MICAL3: variants seen among roughly 807,000 people sequenced by gnomAD.
MICAL3 encodes the protein [F-actin]-monooxygenase MICAL3.
Under a neutral mutation model 207.4 loss-of-function variants are expected in MICAL3, and 62 were observed. That is an observed-to-expected ratio of 0.30 (90% CI 0.24 to 0.37). The LOEUF (loss-of-function observed/expected upper bound fraction) is 0.37, where lower values mean the gene tolerates loss of function less well. Among genes scored for constraint, MICAL3 ranks in the 10% least tolerant of loss-of-function variants. The pLI, the probability that MICAL3 is intolerant of heterozygous loss-of-function variation, is 1.00. For missense variants in MICAL3, 2,368 were observed against 2,635.6 expected (o/e 0.90, Z 2.22); for synonymous variants, 1,077 against 1,069.3 (o/e 1.01, Z -0.14).
chr22:18,013,181 T>G (rs366892), intron 1 of MICAL3, among the ~76,000 whole-genome samples: 8 of 152,008 alleles, frequency 5.3e-5, no homozygotes, highest in Non-Finnish European at 8.8e-5. Context: ...TCCCTATTCT[T>G]GAGATCTCTT....
rs746694688 is a variant in MICAL3 at position 17,790,696 on chromosome 22, C to A, written c.*36G>T. 54 of 1,548,610 alleles carry A rather than the reference C, an allele frequency of 3.5e-5. No individual in the cohort carries two copies. The highest frequency in any genetic ancestry group is 3.9e-5 in the Non-Finnish European group (45 of 1,144,098). On this transcript the variant is annotated 3_prime_UTR_variant, in exon 32 of 32. Coordinates refer to ENST00000441493, the MANE Select transcript of MICAL3 (RefSeq NM_015241.3). ...GTTTGGATGCCACTGCCTGGCCAGG[C>A]GGATGCCAACAGAAAATGGAGCGTT...
chr22:17,913,417 G>C (rs1359840554), intron 1 of MICAL3, among the ~76,000 whole-genome samples: 1 of 152,188 alleles, frequency 6.6e-6, no homozygotes, highest in Non-Finnish European at 1.5e-5. Flanking sequence ...CGTGGCTGCG[G>C]AAGGTGAAGG....
chr22:18,013,938 C>A (rs952013998), intron 1 of MICAL3, among the ~76,000 whole-genome samples: 3 of 151,938 alleles, frequency 2.0e-5, no homozygotes, highest in African/African-American at 7.3e-5. Flanking sequence ...GTAGCTGGAA[C>A]TATAGGTGTG....
At chr22:17,947,598 T>C (rs1934134539) in intron 1 of MICAL3, among the ~76,000 whole-genome samples, 1 of 152,200 alleles carries the variant, frequency 6.6e-6, no homozygotes, top group South Asian at 2.1e-4. Flanking sequence ...TGCTCTGTTG[T>C]CCAGGCTGGA....
Position 17,792,818 on chromosome 22 carries a change from C to A in MICAL3, c.5651-1517G>T, listed in dbSNP as rs115668730. Reference sequence around the variant, plus strand: ...CCAGCCTGCAACTGTGGAGTGTGTGCCTGAGGGTCAGGGGACCAGCGCTCT... The same window carrying A: ...CCAGCCTGCAACTGTGGAGTGTGTGACTGAGGGTCAGGGGACCAGCGCTCT... On this transcript the variant is annotated intron_variant, in intron 29 of 31. Transcript: ENST00000441493. Among the ~76,000 whole-genome samples the A allele has an allele frequency of 7.6e-3, 1,156 of 152,360 alleles. 13 individuals carry two copies. Among genetic ancestry groups the A allele is most frequent in the African/African-American group, 0.026 (1,091 of 41,590 alleles).
chr22:18,003,786 T>C (rs5992964), intron 1 of MICAL3, among the ~76,000 whole-genome samples: 11,023 of 152,070 alleles, frequency 0.072, 1,083 homozygotes, highest in East Asian at 0.47. Context: ...TTTTTTTTTT[T>C]TTAAGATGGA....
intron 16 of MICAL3, among the ~76,000 whole-genome samples, chr22:17,880,977 C>T (rs1253602621): frequency 6.6e-6 from 1 of 152,174 alleles, no homozygotes; most frequent in African/African-American, 2.4e-5. Context: ...GTGGGACAGT[C>T]GTGTTTCCAT....
At chr22:17,973,432 G>C (rs1935507459) in intron 1 of MICAL3, among the ~76,000 whole-genome samples, 1 of 152,224 alleles carries the variant, frequency 6.6e-6, no homozygotes, top group African/African-American at 2.4e-5. Flanking sequence ...ACACCGGCTT[G>C]ATCATCATGA....
In MICAL3 at chr22:17,796,164, A is replaced by T. The variant is rs1415182292; in HGVS notation, c.5651-4863T>A. Among the ~76,000 whole-genome samples the T allele has an allele frequency of 6.6e-6, 1 of 151,974 alleles. No homozygotes were observed. The highest frequency in any genetic ancestry group is 6.6e-5 in the Admixed American group (1 of 15,266). On this transcript the variant is annotated intron_variant, in intron 29 of 31. Coordinates refer to ENST00000441493, the MANE Select transcript of MICAL3 (RefSeq NM_015241.3). This position sits in a 1 kb window ranked among gnomAD's most constrained non-coding sequence, Gnocchi z 4.4. Reference sequence around the variant, plus strand: ...GCAGTGAGCGGGTCCTGGTCAGAGGACCCCTCCTCCCTGGAGCACTCTGCT... The same window carrying T: ...GCAGTGAGCGGGTCCTGGTCAGAGGTCCCCTCCTCCCTGGAGCACTCTGCT...
chr22:17,974,029 A>C (rs965713202), intron 1 of MICAL3, among the ~76,000 whole-genome samples: 1 of 152,194 alleles, frequency 6.6e-6, no homozygotes. Context: ...AAAATGGTTT[A>C]TATCCTGGAA....
intron 16 of MICAL3, chr22:17,876,925 TTA>T (rs1437961903): frequency 2.4e-5 from 3 of 123,538 alleles, no homozygotes; most frequent in African/African-American, 3.8e-5. Context: ...GTTATGGAGG[TTA>T]GGGAGGTTAG....
chr22:17,859,760 A>C (rs1240720052), intron 19 of MICAL3, among the ~76,000 whole-genome samples: 1 of 152,058 alleles, frequency 6.6e-6, no homozygotes, highest in African/African-American at 2.4e-5. Flanking sequence ...TGGAGGGAGG[A>C]AGAAGGTGCC....
chr22:17,847,070 C>T (rs1466112147), intron 19 of MICAL3, among the ~76,000 whole-genome samples: 1 of 152,172 alleles, frequency 6.6e-6, no homozygotes, highest in African/African-American at 2.4e-5. Flanking sequence ...GGAGAGGCAT[C>T]GGCGGGTGCA....
At chr22:17,992,927 C>T (rs905973153) in intron 1 of MICAL3, among the ~76,000 whole-genome samples, 6 of 152,116 alleles carry the variant, frequency 3.9e-5, no homozygotes, top group Admixed American at 2.0e-4. Flanking sequence ...ATGATGTGTG[C>T]GCAGTCTGGC....
chr22:18,006,312 A>G (rs961811668), intron 1 of MICAL3: 1 of 152,192 alleles, frequency 6.6e-6, no homozygotes, highest in Non-Finnish European at 1.5e-5. Flanking sequence ...GATCCCATCT[A>G]CGGCGAAATG....
intron 7 of MICAL3, among the ~76,000 whole-genome samples, chr22:17,898,641 C>G (rs938391362): frequency 6.6e-6 from 1 of 152,258 alleles, no homozygotes; most frequent in Non-Finnish European, 1.5e-5. Context: ...CAACTGGTGT[C>G]TCTGCTTCTG....
At chr22:17,831,397 C>T (rs374529140) in intron 21 of MICAL3, among the ~76,000 whole-genome samples, 3 of 152,350 alleles carry the variant, frequency 2.0e-5, no homozygotes, top group South Asian at 4.1e-4. Flanking sequence ...GTCCCCAAAA[C>T]GCTGCCCTGC....
chr22:17,950,079 G>C (rs543263625), intron 1 of MICAL3, among the ~76,000 whole-genome samples: 36 of 152,262 alleles, frequency 2.4e-4, no homozygotes, highest in African/African-American at 8.4e-4. Flanking sequence ...TCATCAGGAA[G>C]AGAGGAAACA....
chr22:17,987,274 C>T (rs1241208117), intron 1 of MICAL3, among the ~76,000 whole-genome samples: 4 of 152,166 alleles, frequency 2.6e-5, no homozygotes, highest in Non-Finnish European at 5.9e-5. Context: ...TAATCATTTT[C>T]CACAGACTGA....
Sources: allele counts gnomAD v4.1 joint callset (sites outside exome capture counted in the v4.1 genomes callset), GRCh38; gene constraint gnomAD v4.1.1; non-coding constraint Gnocchi (gnomAD v3.1); transcripts MANE v1.5; gene names NCBI Gene and HGNC (gene_info 2026-07-23, HGNC 2026-07-21).